Variants in GFUS observed in about 807,000 individuals in gnomAD.
The protein encoded by GFUS is GDP-L-fucose synthase.
In GFUS, 42 loss-of-function variants were observed where a neutral mutation model predicts 41.5. That is an observed-to-expected ratio of 1.01 (90% CI 0.79 to 1.31). The LOEUF (loss-of-function observed/expected upper bound fraction) is 1.31, where lower values mean the gene tolerates loss of function less well. Among genes scored for constraint, GFUS ranks in the 50% most tolerant of loss-of-function variants. GFUS has a pLI of 0.00. For missense variants in GFUS, 437 were observed against 428.7 expected, an observed-to-expected ratio of 1.02 and a Z score of -0.17; for synonymous variants, 188 against 173.4, an observed-to-expected ratio of 1.08 and a Z score of -0.66.
At chr8:143,613,118 C>T in intron 10 of GFUS, 78 bp downstream of exon 10, 1 of 1,545,514 alleles carries the variant, frequency 6.5e-7, no homozygotes, top group Non-Finnish European at 8.9e-7. Flanking sequence ...GGCACCTCAC[C>T]TCTGCCCTGG....
intron 1 of GFUS, 113 bp downstream of exon 1, chr8:143,617,361 T>C (rs1829753145): frequency 6.5e-6 from 1 of 153,942 alleles, no homozygotes; most frequent in Non-Finnish European, 1.4e-5. Flanking sequence ...CCAGACCCTC[T>C]ACCACAGCCC....
chr8:143,613,032 G>T (rs923502243), intron 10 of GFUS, 67 bp from the exon 11 acceptor site: 82 of 1,586,590 alleles, frequency 5.2e-5, no homozygotes, highest in Non-Finnish European at 6.9e-5. Context: ...GAAGTGGGGG[G>T]AGGAGGCCCA....
At chr8:143,616,315 G>T in intron 2 of GFUS, 95 bp from the exon 3 acceptor site, 1 of 1,315,932 alleles carries the variant, frequency 7.6e-7, no homozygotes, top group Non-Finnish European at 1.1e-6. Flanking sequence ...ATGGCAGGAG[G>T]GACAGTCAAA....
intron 3 of GFUS, 122 bp downstream of exon 3, chr8:143,615,984 C>A: frequency 1.2e-6 from 1 of 826,758 alleles, no homozygotes; most frequent in Admixed American, 2.7e-5. Context: ...CTGTGCCAAG[C>A]CCTGATCCTC....
At chr8:143,615,991 C>T in intron 3 of GFUS, 115 bp downstream of exon 3, 1 of 881,628 alleles carries the variant, frequency 1.1e-6, no homozygotes, top group Non-Finnish European at 1.8e-6. Context: ...AAGCCCTGAT[C>T]CTCAGGGACT....
At chr8:143,617,091 G>T (rs758478125) in intron 1 of GFUS, 1 of 258,094 alleles carries the variant, frequency 3.9e-6, no homozygotes, top group Non-Finnish European at 7.7e-6. Flanking sequence ...GCTAAAGCCC[G>T]CATGCTAGGG....
rs201095395 is a variant in GFUS at position 143,614,769 on chromosome 8, C to G, written c.390+18G>C. ...ACCGGCTCCCCGGCCCCACCCACAG[C>G]CAGGCCCTGCCCCTCACCATGGTCT... On this transcript the variant is annotated intron_variant, in intron 4 of 10. Transcript: ENST00000425753. 1 of 1,613,306 alleles carries G rather than the reference C, an allele frequency of 6.2e-7. No homozygotes were observed. The highest frequency in any genetic ancestry group is 8.5e-7 in the Non-Finnish European group (1 of 1,180,002).
In GFUS at chr8:143,613,260, C is replaced by A. The variant is rs1829623189; in HGVS notation, c.846G>T (p.Lys282Asn). 6.2e-7 allele frequency: 1 copy of A among 1,614,082 alleles called. No homozygotes were observed. The highest frequency in any genetic ancestry group is 8.5e-7 in the Non-Finnish European group (1 of 1,179,976). Residue 282 changes from lysine (K) to asparagine (N), a missense_variant, in exon 10 of 11, where the codon AAG (lysine) becomes AAT (asparagine). Coordinates refer to ENST00000425753, the MANE Select transcript of GFUS (RefSeq NM_003313.4). ...TCCTCAGCTTGCTGTTACTGGCTGT[C>A]TTCTTAAACTGCCCATCCGACTTGG... is the stretch of plus-strand genomic sequence containing the variant. Reference protein sequence around the residue: ...DTTKSDGQFKKTASNSKLRTY... With the variant: ...DTTKSDGQFKNTASNSKLRTY...
At chr8:143,614,750 T>A (rs1295416461) in intron 4 of GFUS, 37 bp downstream of exon 4, 1 of 1,612,862 alleles carries the variant, frequency 6.2e-7, no homozygotes, top group Admixed American at 1.7e-5. Context: ...GCCCACCGGC[T>A]CCCCGGCCCC....
chr8:143,612,876 A>G lies in GFUS; in HGVS notation c.*34T>C. 6.3e-7 allele frequency: 1 copy of G among 1,590,478 alleles called. No homozygotes were observed. The highest frequency in any genetic ancestry group is 8.5e-7 in the Non-Finnish European group (1 of 1,170,286). On this transcript the variant is annotated 3_prime_UTR_variant, in exon 11 of 11. Transcript: ENST00000425753. ...GGTGGCCGCTGGGCTCTGCCAGCCG[A>G]TGGTCCGCTGGCACCTGATCCTGTC...
At position 143,616,567 on chromosome 8, in the gene GFUS, G is replaced by C. The variant is rs780554070; in HGVS notation, c.146C>G (p.Thr49Arg). The C allele has an allele frequency of 1.2e-6, 2 of 1,613,810 alleles. No individual in the cohort carries two copies. The highest frequency in any genetic ancestry group is 1.7e-5 in the Admixed American group (1 of 60,020). The change falls in exon 2 of 11, where the codon ACG becomes AGG. Residue 49 changes from threonine (T) to arginine (R), a missense_variant and splice_region_variant. Physicochemically the swap from Thr to Arg is moderately conservative, Grantham distance 71. Coordinates refer to ENST00000425753, the MANE Select transcript of GFUS (RefSeq NM_003313.4). ...VFVSSKDADL[T>R]DTAQTRALFE... is the part of the protein sequence containing the mutation. ...CTGATCTGGGGATGGGCTCACTCAC[G>C]TGAGATCGGCGTCTTTAGAGGAGAC...
rs1829689222 is a variant in GFUS at position 143,614,981 on chromosome 8, CAG to C, written c.262-68_262-67del. 5.2e-6 allele frequency: 8 copies of C among 1,541,180 alleles called. No individual in the cohort carries two copies. The East Asian group carries it at 1.6e-4, about 31-fold the overall frequency. ...AGATCCCAGCCCTTACCTGCTCCTCCAGACGCAGAAGTGGAGACACACCCTGG... is the reference window on the plus strand; with the variant it reads ...AGATCCCAGCCCTTACCTGCTCCTCCACGCAGAAGTGGAGACACACCCTGG... On this transcript the variant is annotated intron_variant, in intron 3 of 10. Coordinates refer to ENST00000425753, the MANE Select transcript of GFUS (RefSeq NM_003313.4).
chr8:143,612,866 C>T lies in GFUS; in HGVS notation c.*44G>A, dbSNP rs1369254230. ...GTTGACGGGTGGTGGCCGCTGGGCT[C>T]TGCCAGCCGATGGTCCGCTGGCACC... On this transcript the variant is annotated 3_prime_UTR_variant, in exon 11 of 11. Coordinates refer to ENST00000425753, the MANE Select transcript of GFUS (RefSeq NM_003313.4). The T allele has an allele frequency of 1.9e-6, 3 of 1,578,596 alleles. No individual in the cohort carries two copies. Among genetic ancestry groups the T allele is most frequent in the Non-Finnish European group, 2.6e-6 (3 of 1,164,942 alleles).
chr8:143,612,877 T>G lies in GFUS; in HGVS notation c.*33A>C. The G allele has an allele frequency of 6.3e-7, 1 of 1,591,170 alleles. No individual in the cohort carries two copies. Among genetic ancestry groups the G allele is most frequent in the Non-Finnish European group, 8.5e-7 (1 of 1,170,530 alleles). ...GTGGCCGCTGGGCTCTGCCAGCCGA[T>G]GGTCCGCTGGCACCTGATCCTGTCT... On this transcript the variant is annotated 3_prime_UTR_variant, in exon 11 of 11. Transcript: ENST00000425753.
chr8:143,613,107 G>C, intron 10 of GFUS, 89 bp downstream of exon 10: 1 of 1,534,036 alleles, frequency 6.5e-7, no homozygotes, highest in Non-Finnish European at 9.0e-7. Context: ...GGCTCTGAGG[G>C]GGCACCTCAC....
At position 143,613,451 on chromosome 8, in the gene GFUS, C is replaced by T. The variant is rs888441026; in HGVS notation, c.810+73G>A. On this transcript the variant is annotated intron_variant, in intron 9 of 10. Coordinates refer to ENST00000425753, the MANE Select transcript of GFUS (RefSeq NM_003313.4). ...CTCCGCAGTGTCCCACCCACGCTGG[C>T]CCTACACCGGGTGGCCACTGAGCCC... The T allele has an allele frequency of 7.6e-5, 117 of 1,547,722 alleles. No individual in the cohort carries two copies. The Admixed American group carries it at 2.0e-3, about 27-fold the overall frequency.
upstream of GFUS, chr8:143,617,663 G>A (rs1248372729): frequency 6.6e-6 from 1 of 152,154 alleles, no homozygotes; most frequent in South Asian, 2.1e-4. Flanking sequence ...AGCCGCTTGG[G>A]AAGCGCAGTC....
intron 7 of GFUS, 45 bp downstream of exon 7, chr8:143,614,119 A>C (rs1328474819): frequency 6.2e-7 from 1 of 1,608,266 alleles, no homozygotes; most frequent in African/African-American, 1.3e-5. Context: ...CCCAGGGCTC[A>C]ATAGGGCAGG....
chr8:143,615,109 G>A (rs1043179035), intron 3 of GFUS, among the ~76,000 whole-genome samples, 194 bp from the exon 4 acceptor site: 1 of 152,118 alleles, frequency 6.6e-6, no homozygotes, highest in African/African-American at 2.4e-5. Flanking sequence ...ACCAAGGCTG[G>A]AGGAGGGGCT....
Sources: allele counts gnomAD v4.1 joint callset (sites outside exome capture counted in the v4.1 genomes callset), GRCh38; gene constraint gnomAD v4.1.1; transcripts MANE v1.5; gene names NCBI Gene and HGNC (gene_info 2026-07-23, HGNC 2026-07-21).